SEMA6D: variants seen among roughly 807,000 people sequenced by gnomAD.
SEMA6D encodes semaphorin 6D.
In SEMA6D, 35 loss-of-function variants were observed where a neutral mutation model predicts 106.6. That is an observed-to-expected ratio of 0.33 (90% CI 0.25 to 0.44). SEMA6D has a LOEUF of 0.44. Among genes scored for constraint, SEMA6D ranks in the 20% least tolerant of loss-of-function variants. The pLI, the probability that SEMA6D is intolerant of heterozygous loss-of-function variation, is 1.00. For missense variants in SEMA6D, 1,185 were observed against 1,345.9 expected (o/e 0.88, Z 1.87); for synonymous variants, 499 against 487.7 (o/e 1.02, Z -0.31).
At chr15:47,555,619 T>C (rs887799611) in intron 3 of SEMA6D, among the ~76,000 whole-genome samples, 4 of 152,100 alleles carry the variant, frequency 2.6e-5, no homozygotes, top group African/African-American at 9.7e-5. Flanking sequence ...TCCTACAACA[T>C]AGATTGCTGA....
chr15:47,381,297 G>A (rs906520426), intron 1 of SEMA6D, among the ~76,000 whole-genome samples: 2 of 152,218 alleles, frequency 1.3e-5, no homozygotes, highest in Non-Finnish European at 2.9e-5. Context: ...CATATTCGTG[G>A]CTTTGGCTCA....
intron 3 of SEMA6D, among the ~76,000 whole-genome samples, chr15:47,553,660 T>C (rs2045830748): frequency 6.6e-6 from 1 of 152,162 alleles, no homozygotes; most frequent in Non-Finnish European, 1.5e-5. Flanking sequence ...CCAGGCTGTA[T>C]TCAGCTGTGT....
At chr15:47,609,306 T>C (rs1464295838) in intron 4 of SEMA6D, among the ~76,000 whole-genome samples, 1 of 152,174 alleles carries the variant, frequency 6.6e-6, no homozygotes, top group Non-Finnish European at 1.5e-5. Context: ...ATGTATACCA[T>C]GCTGCAGTGG....
chr15:47,345,160 C>T (rs970195307), intron 1 of SEMA6D, among the ~76,000 whole-genome samples: 5 of 152,112 alleles, frequency 3.3e-5, no homozygotes, highest in African/African-American at 1.2e-4. Context: ...TTAATCTGTA[C>T]GGTCAACACA....
chr15:47,225,706 T>C (rs1460402038), intron 1 of SEMA6D, among the ~76,000 whole-genome samples: 1 of 151,890 alleles, frequency 6.6e-6, no homozygotes, highest in Non-Finnish European at 1.5e-5. Flanking sequence ...TTTTGTATTT[T>C]TTTAGTAGAG....
chr15:47,405,930 T>C (rs1483978923), intron 1 of SEMA6D, among the ~76,000 whole-genome samples: 1 of 152,200 alleles, frequency 6.6e-6, no homozygotes, highest in Non-Finnish European at 1.5e-5. Flanking sequence ...TATGCATATG[T>C]ATGCAGAGCC....
At chr15:47,265,158 A>G (rs1030263900) in intron 1 of SEMA6D, among the ~76,000 whole-genome samples, 11 of 151,898 alleles carry the variant, frequency 7.2e-5, no homozygotes, top group African/African-American at 9.7e-5. Context: ...CTTCTCTCCT[A>G]TTTTTTGGAA....
intron 3 of SEMA6D, among the ~76,000 whole-genome samples, chr15:47,587,007 A>G (rs1323761104): frequency 6.6e-6 from 1 of 150,734 alleles, no homozygotes; most frequent in Non-Finnish European, 1.5e-5. Flanking sequence ...TGAAGTCTCC[A>G]GGGAGTCTGG....
At position 47,771,712 on chromosome 15, in the gene SEMA6D, C is replaced by G. The variant is rs2082639091; in HGVS notation, c.3149C>G (p.Pro1050Arg). Residue 1050 changes from proline to arginine, a missense_variant, in exon 19 of 19, where the codon CCT (proline) becomes CGT (arginine). By Grantham distance (103) the Pro-to-Arg change is moderately radical. Coordinates refer to ENST00000536845, the MANE Select transcript of SEMA6D (RefSeq NM_001358351.3). ...TGLKRTPSLKPDVPPKPSFVP... is the reference protein window; with the variant it reads ...TGLKRTPSLKRDVPPKPSFVP... ...CTAAAGAGGACGCCGTCCTTAAAAC[C>G]TGACGTGCCACCAAAGCCTTCCTTT... The G allele has an allele frequency of 1.2e-6, 2 of 1,614,098 alleles. No individual in the cohort carries two copies. The highest frequency in any genetic ancestry group is 1.7e-6 in the Non-Finnish European group (2 of 1,179,972).
chr15:47,756,188 C>G (rs917637338), intron 1 of SEMA6D, among the ~76,000 whole-genome samples: 1 of 152,156 alleles, frequency 6.6e-6, no homozygotes, highest in African/African-American at 2.4e-5. Context: ...CCTAAGCTTG[C>G]GTGTGAGGAA....
At chr15:47,284,836 C>T (rs563685191) in intron 1 of SEMA6D, among the ~76,000 whole-genome samples, 14 of 152,122 alleles carry the variant, frequency 9.2e-5, no homozygotes, top group Non-Finnish European at 1.2e-4. Context: ...TGAGCAGACC[C>T]GAAATCTTGA....
chr15:47,664,216 G>C (rs1019289894), intron 4 of SEMA6D, among the ~76,000 whole-genome samples: 2 of 152,088 alleles, frequency 1.3e-5, no homozygotes, highest in East Asian at 3.9e-4. Context: ...ATCAAATGAT[G>C]ACACTTGTCT....
intron 1 of SEMA6D, among the ~76,000 whole-genome samples, chr15:47,220,541 G>C (rs1357762923): frequency 1.3e-5 from 2 of 152,118 alleles, no homozygotes; most frequent in African/African-American, 4.8e-5. Context: ...TGGAGTTCCT[G>C]AGCTAAGCAT....
intron 3 of SEMA6D, among the ~76,000 whole-genome samples, chr15:47,568,289 A>T (rs2046287445): frequency 6.6e-6 from 1 of 152,064 alleles, no homozygotes; most frequent in African/African-American, 2.4e-5. Context: ...GGCTATGATC[A>T]TCTTTGTAGC....
intron 1 of SEMA6D, among the ~76,000 whole-genome samples, chr15:47,248,778 C>G (rs1021415451): frequency 2.6e-5 from 4 of 152,172 alleles, no homozygotes; most frequent in Non-Finnish European, 5.9e-5. Context: ...TAAGAGATAA[C>G]AGTGGCCTCT....
intron 3 of SEMA6D, among the ~76,000 whole-genome samples, chr15:47,527,302 A>C (rs2044794474): frequency 6.6e-6 from 1 of 152,218 alleles, no homozygotes; most frequent in South Asian, 2.1e-4. Context: ...TCAATGTTTA[A>C]CTTATACAAG....
At chr15:47,725,077 G>A (rs770227018) in intron 1 of SEMA6D, among the ~76,000 whole-genome samples, 27 of 152,242 alleles carry the variant, frequency 1.8e-4, no homozygotes, top group South Asian at 4.2e-4. Flanking sequence ...TAAAGAATAC[G>A]TCGCATATGT....
intron 1 of SEMA6D, among the ~76,000 whole-genome samples, chr15:47,389,487 C>G (rs2039957492): frequency 6.6e-6 from 1 of 151,764 alleles, no homozygotes; most frequent in South Asian, 2.1e-4. Context: ...TAGGAATCCA[C>G]TCACTCACCC....
At chr15:47,594,775 C>T (rs1300106368) in intron 3 of SEMA6D, among the ~76,000 whole-genome samples, 1 of 152,016 alleles carries the variant, frequency 6.6e-6, no homozygotes, top group African/African-American at 2.4e-5. Context: ...AAGGAAGTAA[C>T]CCAGTTTAGG....
Sources: gnomAD v4.1 joint callset for allele counts (sites outside exome capture counted in the v4.1 genomes callset) on GRCh38, gnomAD v4.1.1 for gene constraint, MANE v1.5 for transcripts, NCBI Gene and HGNC (gene_info 2026-07-23, HGNC 2026-07-21) for gene names.